SUSD4: variants seen among roughly 807,000 people sequenced by gnomAD.
SUSD4 encodes sushi domain containing 4.
Under a neutral mutation model 50.5 loss-of-function variants are expected in SUSD4, and 41 were observed. That is an observed-to-expected ratio of 0.81 (90% confidence interval 0.63 to 1.05). The LOEUF is 1.05. Among genes scored for constraint, SUSD4 ranks in the 50% least tolerant of loss-of-function variants. The pLI is 0.00. For synonymous variants in SUSD4, 257 were observed against 257.3 expected, an observed-to-expected ratio of 1.00 and a Z score of 0.01; for missense variants, 580 against 634.7, an observed-to-expected ratio of 0.91 and a Z score of 0.93.
At chr1:223,263,566 G>A in intron 5 of SUSD4, 2 of 985,370 alleles carry the variant, frequency 2.0e-6, no homozygotes. Flanking sequence ...CAGCCTAGGA[G>A]TATGACAAAA....
At chr1:223,349,965 G>A (rs1361317290) in intron 2 of SUSD4, among the ~76,000 whole-genome samples, 1 of 152,108 alleles carries the variant, frequency 6.6e-6, no homozygotes, top group East Asian at 1.9e-4. Context: ...AAGTCATAAG[G>A]TGGGGCCCTA....
chr1:223,344,307 C>T (rs1431426806), intron 2 of SUSD4, among the ~76,000 whole-genome samples: 4 of 152,106 alleles, frequency 2.6e-5, no homozygotes, highest in Non-Finnish European at 2.9e-5. Context: ...GCAACATTGT[C>T]GGGTGCTAGG....
At chr1:223,346,003 G>A (rs1007947509) in intron 2 of SUSD4, among the ~76,000 whole-genome samples, 4 of 152,136 alleles carry the variant, frequency 2.6e-5, no homozygotes, top group South Asian at 4.1e-4. Context: ...CAGCAGCCAG[G>A]CCAATCACCC....
chr1:223,330,692 G>C (rs1281120097), intron 2 of SUSD4, among the ~76,000 whole-genome samples: 1 of 152,156 alleles, frequency 6.6e-6, no homozygotes, highest in East Asian at 1.9e-4. Flanking sequence ...AGCACCCCAG[G>C]CAACAGGAGC....
intron 5 of SUSD4, among the ~76,000 whole-genome samples, chr1:223,232,089 G>A (rs1659935029): frequency 6.6e-6 from 1 of 152,196 alleles, no homozygotes; most frequent in Non-Finnish European, 1.5e-5. Context: ...GATACTGCAT[G>A]ATTTCACTTA....
At chr1:223,354,096 G>C (rs1208828323) in intron 2 of SUSD4, among the ~76,000 whole-genome samples, 1 of 151,936 alleles carries the variant, frequency 6.6e-6, no homozygotes, top group Non-Finnish European at 1.5e-5. Context: ...CTGAGCCTCG[G>C]ACAGCTCTAT....
intron 2 of SUSD4, among the ~76,000 whole-genome samples, chr1:223,317,723 T>G: frequency 6.6e-6 from 1 of 152,100 alleles, no homozygotes; most frequent in East Asian, 1.9e-4. Flanking sequence ...TTATTATATT[T>G]ATGATTATTA....
At chr1:223,262,951 G>T (rs183263110) in intron 5 of SUSD4, among the ~76,000 whole-genome samples, 3 of 152,230 alleles carry the variant, frequency 2.0e-5, no homozygotes, top group African/African-American at 7.2e-5. Context: ...AGCCACTCTC[G>T]GCTCCCTGTT....
At chr1:223,324,853 A>T (rs1666783138) in intron 2 of SUSD4, among the ~76,000 whole-genome samples, 2 of 152,036 alleles carry the variant, frequency 1.3e-5, no homozygotes, top group Admixed American at 1.3e-4. Context: ...CCTAACTCTA[A>T]CTGCATCTGC....
chr1:223,272,843 A>G (rs1189218874), intron 3 of SUSD4, among the ~76,000 whole-genome samples: 1 of 152,324 alleles, frequency 6.6e-6, no homozygotes, highest in Non-Finnish European at 1.5e-5. Context: ...CTCTAGGCTC[A>G]GGGTGTCCTG....
At position 223,363,441 on chromosome 1, in the gene SUSD4, G is replaced by C; in HGVS notation, c.-16C>G. 2.0e-6 allele frequency: 3 copies of C among 1,529,674 alleles called. No homozygotes were observed. The allele number at this position is 1,529,674 out of a possible 1,614,324, so 94.8% of individuals were successfully genotyped here. A position where few individuals can be genotyped will look rare whatever the true frequency, so the allele number is the denominator to read the frequency against. On this transcript the variant is annotated 5_prime_UTR_variant, in exon 2 of 9. Transcript: ENST00000366878. ...CATGATACATCTTTCATCCACAGAGGGCATCCAGCTTGCAAGAGTCTGCAA... is the reference window on the plus strand; with the variant it reads ...CATGATACATCTTTCATCCACAGAGCGCATCCAGCTTGCAAGAGTCTGCAA...
At chr1:223,270,076 G>A (rs1168501401) in intron 3 of SUSD4, among the ~76,000 whole-genome samples, 1 of 152,130 alleles carries the variant, frequency 6.6e-6, no homozygotes, top group Non-Finnish European at 1.5e-5. Context: ...TGGCACAACA[G>A]ACTTCAGAAA....
intron 2 of SUSD4, among the ~76,000 whole-genome samples, chr1:223,317,946 C>G (rs187235409): frequency 2.8e-5 from 3 of 107,006 alleles, no homozygotes; most frequent in Non-Finnish European, 5.5e-5. Context: ...CATGCTGGTG[C>G]GCTGCACCCA....
Position 223,229,313 on chromosome 1 carries a change from C to G in SUSD4, c.800G>C (p.Gly267Ala). 1 of 1,612,732 alleles carries G rather than the reference C, an allele frequency of 6.2e-7. No individual in the cohort carries two copies. The highest frequency in any genetic ancestry group is 8.5e-7 in the Non-Finnish European group (1 of 1,178,942). ...HPRPCERYNH[G>A]TVVEFYCDPG... ...ATCGCAGTAAAACTCCACCACAGTT[C>G]CGTGGTTGTAGCGCTCACAAGGCCG... is the stretch of plus-strand genomic sequence containing the variant. The change falls in exon 6 of 9, where the codon GGA becomes GCA. Residue 267 changes from glycine to alanine, a missense_variant. Transcript: ENST00000366878. The surrounding 1 kb of genome is among the most constrained non-coding windows in gnomAD (Gnocchi z 4.7).
intron 3 of SUSD4, among the ~76,000 whole-genome samples, chr1:223,275,984 G>C (rs1176687182): frequency 1.3e-5 from 2 of 152,208 alleles, no homozygotes; most frequent in Admixed American, 6.5e-5. Flanking sequence ...AAGGAGATCT[G>C]AATCAGTAAT....
Position 223,292,689 on chromosome 1 carries a change from T to C in SUSD4, c.149-38A>G, listed in dbSNP as rs763385516. 9 of 1,605,158 alleles carry C rather than the reference T, an allele frequency of 5.6e-6. 1 individual carries two copies. The highest frequency in any genetic ancestry group is 3.8e-4 in the Middle Eastern group (2 of 5,230). ...AGAGAGGAAAAGGTGCCTATGAATA[T>C]GTTCTCTCAATGCCAAGGGCCTTCC... On this transcript the variant is annotated intron_variant, in intron 2 of 8. Coordinates refer to ENST00000366878, the MANE Select transcript of SUSD4 (RefSeq NM_017982.4).
chr1:223,358,697 G>A (rs535888913), intron 2 of SUSD4: 1 of 156,192 alleles, frequency 6.4e-6, no homozygotes, highest in Admixed American at 6.3e-5. Flanking sequence ...TTTGCTACTT[G>A]TTATATGAAA....
intron 2 of SUSD4, chr1:223,360,407 C>A: frequency 3.1e-6 from 1 of 319,420 alleles, no homozygotes; most frequent in East Asian, 9.5e-5. Context: ...AATATGAGTT[C>A]TTGCACAGCA....
chr1:223,345,057 T>A (rs1188622560), intron 2 of SUSD4, among the ~76,000 whole-genome samples: 3 of 152,230 alleles, frequency 2.0e-5, no homozygotes, highest in Non-Finnish European at 2.9e-5. Context: ...TAAGTCTACA[T>A]ATACACTATT....
Sources: allele counts gnomAD v4.1 joint callset (sites outside exome capture counted in the v4.1 genomes callset), GRCh38; gene constraint gnomAD v4.1.1; non-coding constraint Gnocchi (gnomAD v3.1); transcripts MANE v1.5; gene names NCBI Gene and HGNC (gene_info 2026-07-23, HGNC 2026-07-21).